RHPN2: variants seen among roughly 807,000 people sequenced by gnomAD.
RHPN2 encodes the protein rhophilin-2.
A neutral mutation model predicts 79.0 loss-of-function variants in RHPN2; 40 were observed. That is an observed-to-expected ratio of 0.51 (90% CI 0.39 to 0.66). RHPN2 has a LOEUF of 0.66. Among genes scored for constraint, RHPN2 ranks in the 30% least tolerant of loss-of-function variants. The pLI is 0.00. For synonymous variants in RHPN2, 285 were observed against 363.5 expected, an observed-to-expected ratio of 0.78 and a Z score of 2.46; for missense variants, 686 against 883.5, an observed-to-expected ratio of 0.78 and a Z score of 2.83.
intron 7 of RHPN2, among the ~76,000 whole-genome samples, chr19:33,003,526 AC>A (rs1971767824): frequency 6.6e-6 from 1 of 152,104 alleles, no homozygotes; most frequent in African/African-American, 2.4e-5. Context: ...ACACTTGAAC[AC>A]CCGTGTTAAT....
intron 3 of RHPN2, among the ~76,000 whole-genome samples, chr19:33,024,552 C>G (rs1156636460): frequency 6.6e-6 from 1 of 152,168 alleles, no homozygotes. Context: ...TCCCCTCCAG[C>G]TCTGAAACCA....
chr19:32,984,280 G>A (rs1434333267), intron 14 of RHPN2, among the ~76,000 whole-genome samples: 2 of 152,044 alleles, frequency 1.3e-5, no homozygotes, highest in East Asian at 1.9e-4. Context: ...AGGCTCAGTC[G>A]CTAAAAACAG....
At chr19:32,998,984 G>A (rs1219957556) in intron 10 of RHPN2, among the ~76,000 whole-genome samples, 1 of 139,428 alleles carries the variant, frequency 7.2e-6, no homozygotes, top group African/African-American at 2.7e-5. Context: ...GGGAACAGAG[G>A]GGAGGAGAGG....
intron 11 of RHPN2, 103 bp from the exon 12 acceptor site, chr19:32,994,156 G>A (rs1971682557): frequency 1.2e-6 from 1 of 820,044 alleles, no homozygotes; most frequent in Non-Finnish European, 2.1e-6. Flanking sequence ...AGCACTTTGG[G>A]AGGCTGAGGC....
rs761988957 is a variant in RHPN2, at chr19:33,044,346, G to T, written c.88C>A (p.Gln30Lys). Residue 30 changes from glutamine to lysine, a missense_variant, in exon 2 of 15, where the codon CAA becomes AAA. Transcript: ENST00000254260. ...YFRKGCNPLA[Q>K]TGRSKLQNQR... Reference sequence around the variant, plus strand: ...TTCTGCAATTTACTCCGGCCGGTTTGTGCAAGGGGATTACAGCCCTGAGGA... The same window carrying T: ...TTCTGCAATTTACTCCGGCCGGTTTTTGCAAGGGGATTACAGCCCTGAGGA... The T allele has an allele frequency of 3.1e-6, 5 of 1,614,058 alleles. No individual in the cohort carries two copies. In the Admixed American group the frequency reaches 8.3e-5, roughly 27 times the overall value.
At chr19:32,997,991 C>T (rs1255636430) in intron 10 of RHPN2, among the ~76,000 whole-genome samples, 3 of 152,124 alleles carry the variant, frequency 2.0e-5, no homozygotes, top group Admixed American at 6.5e-5. Flanking sequence ...GGACCTCACG[C>T]GTGTGAGATG....
chr19:33,022,655 G>C (rs1971934305), intron 3 of RHPN2, among the ~76,000 whole-genome samples: 1 of 152,204 alleles, frequency 6.6e-6, no homozygotes, highest in African/African-American at 2.4e-5. Flanking sequence ...CCTAGGGGCA[G>C]GGCCAGAAGG....
At chr19:33,008,886 C>T (rs552738401) in intron 6 of RHPN2, among the ~76,000 whole-genome samples, 5 of 152,272 alleles carry the variant, frequency 3.3e-5, no homozygotes, top group Non-Finnish European at 7.3e-5. Flanking sequence ...GACGGGGTAA[C>T]TGGATAAACA....
chr19:32,990,588 T>C lies in RHPN2; in HGVS notation c.1726A>G (p.Lys576Glu), dbSNP rs1971650405. ...TCCTCGCCAAAGCTCTTCAGCAGCT[T>C]CATAACCTCACTCAGCGTCAGCCAC... ...CKWLTLSEVM[K>E]LLKSFGEDEI... Residue 576 changes from lysine to glutamate, a missense_variant, in exon 14 of 15, where the codon AAG becomes GAG. Physicochemically the swap from Lys to Glu is moderately conservative, Grantham distance 56. Transcript: ENST00000254260. 6.2e-7 allele frequency: 1 copy of C among 1,613,816 alleles called. No individual in the cohort carries two copies. The highest frequency in any genetic ancestry group is 8.5e-7 in the Non-Finnish European group (1 of 1,179,854).
intron 1 of RHPN2, among the ~76,000 whole-genome samples, chr19:33,048,958 A>T (rs1010979398): frequency 9.2e-5 from 14 of 152,208 alleles, no homozygotes; most frequent in African/African-American, 3.4e-4. Flanking sequence ...AACTACGGAT[A>T]AGAATGTTTT....
chr19:33,030,835 G>A (rs571858761), intron 2 of RHPN2, among the ~76,000 whole-genome samples: 10 of 152,106 alleles, frequency 6.6e-5, no homozygotes, highest in East Asian at 1.9e-4. Flanking sequence ...CCCAGCTCCC[G>A]GCGTAAGCAC....
intron 2 of RHPN2, among the ~76,000 whole-genome samples, chr19:33,036,812 T>TGGCCTTAGC (rs2145257550): frequency 6.6e-6 from 1 of 152,154 alleles, no homozygotes; most frequent in South Asian, 2.1e-4. Context: ...ATTTCTCGCC[T>TGGCCTTAGC]GGCCTTAGCT....
chr19:33,025,688 C>T (rs953793922), intron 3 of RHPN2, among the ~76,000 whole-genome samples: 1 of 152,182 alleles, frequency 6.6e-6, no homozygotes, highest in African/African-American at 2.4e-5. Context: ...TTTGTGTATG[C>T]TTTTTGTTCC....
chr19:33,052,704 T>G (rs1972198801), intron 1 of RHPN2, among the ~76,000 whole-genome samples: 1 of 152,190 alleles, frequency 6.6e-6, no homozygotes, highest in African/African-American at 2.4e-5. Context: ...GAATCTAGCT[T>G]GTCCATGTCC....
intron 2 of RHPN2, among the ~76,000 whole-genome samples, chr19:33,029,543 AAAG>A (rs1260595647): frequency 7.9e-5 from 12 of 151,996 alleles, no homozygotes; most frequent in South Asian, 2.1e-4. Context: ...AAAAAAAAAA[AAAG>A]AAGAAGAGTC....
chr19:33,006,587 G>C (rs1483149707), intron 7 of RHPN2, among the ~76,000 whole-genome samples: 1 of 152,216 alleles, frequency 6.6e-6, no homozygotes, highest in Non-Finnish European at 1.5e-5. Flanking sequence ...ACGCTATAGA[G>C]CTAGCGTGGG....
chr19:33,021,049 T>G (rs918417795), intron 4 of RHPN2, among the ~76,000 whole-genome samples: 2 of 152,162 alleles, frequency 1.3e-5, no homozygotes, highest in Non-Finnish European at 2.9e-5. Context: ...GGTTATATGA[T>G]TTAAGAAAAA....
chr19:33,029,468 G>A (rs1971993100), intron 2 of RHPN2, among the ~76,000 whole-genome samples: 1 of 149,522 alleles, frequency 6.7e-6, no homozygotes, highest in South Asian at 2.1e-4. Flanking sequence ...GGAGCTTGCA[G>A]TGAGCTGAGA....
chr19:33,010,006 T>G (rs775181758), intron 6 of RHPN2, among the ~76,000 whole-genome samples: 4 of 152,110 alleles, frequency 2.6e-5, no homozygotes, highest in Admixed American at 2.0e-4. Context: ...CTTGAACTCC[T>G]GACCTCAGGT....
Sources: allele counts gnomAD v4.1 joint callset (sites outside exome capture counted in the v4.1 genomes callset), GRCh38; gene constraint gnomAD v4.1.1; transcripts MANE v1.5; gene names NCBI Gene and HGNC (gene_info 2026-07-23, HGNC 2026-07-21).